Variants in STRA6 observed in about 807,000 individuals in gnomAD.
STRA6 encodes the protein receptor for retinol uptake STRA6.
In STRA6, 48 loss-of-function variants were observed where a neutral mutation model predicts 83.6. The ratio of observed to expected loss-of-function variants is 0.57; its 90% confidence interval spans 0.46 to 0.73. STRA6 has a LOEUF of 0.73. Among genes scored for constraint, STRA6 ranks in the 30% least tolerant of loss-of-function variants. STRA6 has a pLI of 0.00. For synonymous variants in STRA6, 353 were observed against 362.3 expected, an observed-to-expected ratio of 0.97 and a Z score of 0.29; for missense variants, 760 against 838.8, an observed-to-expected ratio of 0.91 and a Z score of 1.16.
intron 1 of STRA6, 169 bp downstream of exon 1, chr15:74,202,544 G>C (rs2074125764): frequency 6.7e-7 from 1 of 1,482,026 alleles, no homozygotes; most frequent in East Asian, 2.5e-5. Flanking sequence ...AGAGATAGCT[G>C]TCCCCTTGGG....
upstream of STRA6, among the ~76,000 whole-genome samples, chr15:74,203,719 T>G (rs2074182377): frequency 6.6e-6 from 1 of 152,186 alleles, no homozygotes; most frequent in African/African-American, 2.4e-5. Flanking sequence ...GCCAGATAAC[T>G]AAATCCCCTC....
At chr15:74,199,214 G>A (rs1238425828) in intron 2 of STRA6, among the ~76,000 whole-genome samples, 2 of 152,230 alleles carry the variant, frequency 1.3e-5, no homozygotes, top group African/African-American at 2.4e-5. Context: ...CCAGGGGAGT[G>A]CAGAGCCCTG....
intron 16 of STRA6, among the ~76,000 whole-genome samples, 182 bp downstream of exon 16, chr15:74,181,979 C>T (rs2073016328): frequency 6.6e-6 from 1 of 152,200 alleles, no homozygotes; most frequent in Non-Finnish European, 1.5e-5. Context: ...TAGAGAGGTA[C>T]TTTGGAGTGG....
chr15:74,191,840 G>C, intron 8 of STRA6: 1 of 411,910 alleles, frequency 2.4e-6, no homozygotes, highest in South Asian at 2.2e-5. Context: ...CTGAAACTGG[G>C]GCAAAGGGAA....
At chr15:74,187,495 T>A (rs1036055838) in intron 12 of STRA6, among the ~76,000 whole-genome samples, 1 of 152,002 alleles carries the variant, frequency 6.6e-6, no homozygotes, top group East Asian at 1.9e-4. Context: ...TTGTAAGTGA[T>A]GGAACAGAGA....
chr15:74,183,571 C>T lies in STRA6; in HGVS notation c.1300+285G>A, dbSNP rs1331245581. 130 of 1,277,444 alleles carry T rather than the reference C, an allele frequency of 1.0e-4. 2 individuals carry two copies. The Admixed American group carries it at 4.1e-3, about 40-fold the overall frequency. 79.1% of individuals were successfully genotyped at this position (1,277,444 alleles called of 1,614,324 possible). On this transcript the variant is annotated intron_variant, in intron 14 of 18. Transcript: ENST00000395105. Reference sequence around the variant, plus strand: ...GAATGTACCATTTTGAATTTGACACCTCCAGACCTGGGTCCACCCCCATGT... The same window carrying T: ...GAATGTACCATTTTGAATTTGACACTTCCAGACCTGGGTCCACCCCCATGT...
In STRA6 at chr15:74,193,867, A is replaced by G. The variant is rs764331156; in HGVS notation, c.653T>C (p.Phe218Ser). ...CTGCACAGGGTACCAAAGGCTCAGG[A>G]ATCCGAGGCCCAGCAGGAGAGGCAG... ...ASLPLLLGLG[F>S]LSLWYPVQLV... is the part of the protein sequence containing the mutation. Residue 218 changes from phenylalanine (F) to serine (S), a missense_variant, in exon 8 of 19, where the codon TTC becomes TCC. Phe to Ser is a radical substitution (Grantham distance 155). Coordinates refer to ENST00000395105, the MANE Select transcript of STRA6 (RefSeq NM_022369.4). 8.0e-5 allele frequency: 129 copies of G among 1,613,856 alleles called. No homozygotes were observed. The highest frequency in any genetic ancestry group is 1.0e-4 in the Non-Finnish European group (119 of 1,179,914).
intron 2 of STRA6, among the ~76,000 whole-genome samples, chr15:74,198,832 C>T (rs1046712376): frequency 1.3e-5 from 2 of 152,258 alleles, no homozygotes; most frequent in African/African-American, 4.8e-5. Context: ...CCTGCACTCA[C>T]CCTGGCTGAG....
chr15:74,210,375 G>C (rs533798555), upstream of STRA6, among the ~76,000 whole-genome samples: 5 of 152,282 alleles, frequency 3.3e-5, no homozygotes, highest in South Asian at 1.0e-3. Flanking sequence ...CTGGACTGAC[G>C]TGGCAGAACC....
At chr15:74,198,186 A>G (rs982889586) in intron 2 of STRA6, among the ~76,000 whole-genome samples, 16 of 151,298 alleles carry the variant, frequency 1.1e-4, no homozygotes, top group African/African-American at 3.9e-4. Flanking sequence ...GGCTTACTGC[A>G]GCCTCAGCCT....
rs2073419760 is a variant in STRA6, at chr15:74,189,379, C to T, written c.928-102G>A. 13 of 1,484,548 alleles carry T rather than the reference C, an allele frequency of 8.8e-6. No homozygotes were observed. In the South Asian group the frequency reaches 1.5e-4, roughly 17 times the overall value. The allele number at this position is 1,484,548 out of a possible 1,614,324, so 92.0% of individuals were successfully genotyped here. A position where few individuals can be genotyped will look rare whatever the true frequency, so the allele number is the denominator to read the frequency against. Reference sequence around the variant, plus strand: ...ACTGGCAGCACACAGGCCCCAGCCACATGCCCATTGCCCATCAGTGTTCTT... The same window carrying T: ...ACTGGCAGCACACAGGCCCCAGCCATATGCCCATTGCCCATCAGTGTTCTT... On this transcript the variant is annotated intron_variant, in intron 11 of 18. Coordinates refer to ENST00000395105, the MANE Select transcript of STRA6 (RefSeq NM_022369.4).
intron 8 of STRA6, 88 bp downstream of exon 8, chr15:74,193,712 C>T: frequency 6.3e-7 from 1 of 1,586,372 alleles, no homozygotes; most frequent in Non-Finnish European, 8.6e-7. Context: ...CTACATCAAG[C>T]ACGGCCATGT....
intron 18 of STRA6, 77 bp from the exon 19 acceptor site, chr15:74,180,320 GA>G (rs2072913676): frequency 6.3e-7 from 1 of 1,586,548 alleles, no homozygotes; most frequent in Non-Finnish European, 8.6e-7. Flanking sequence ...CCTGATCAGA[GA>G]GCCTGAAAAT....
rs2073345789 is a variant in STRA6, at chr15:74,188,103, A to T, written c.1090+1012T>A. On this transcript the variant is annotated intron_variant, in intron 12 of 18. Coordinates refer to ENST00000395105, the MANE Select transcript of STRA6 (RefSeq NM_022369.4). This position sits in a 1 kb window ranked among gnomAD's most constrained non-coding sequence, Gnocchi z 4.5. ...CAGCAGTTCCAGGGCAGCCTCTAGT[A>T]CGGGAACTGAGGTGCTCACGGAGAT... Among the ~76,000 whole-genome samples, 1 of 152,160 alleles carries T rather than the reference A, an allele frequency of 6.6e-6. No homozygotes were observed. The highest frequency in any genetic ancestry group is 1.5e-5 in the Non-Finnish European group (1 of 68,026).
At chr15:74,201,226 G>A (rs1394206833) in intron 2 of STRA6, among the ~76,000 whole-genome samples, 1 of 152,192 alleles carries the variant, frequency 6.6e-6, no homozygotes, top group African/African-American at 2.4e-5. Context: ...CCCAGCCCCT[G>A]GGGAGGCACG....
In STRA6 at chr15:74,179,940, T is replaced by TC; in HGVS notation, c.*139dup. 1 of 1,199,660 alleles carries TC rather than the reference T, an allele frequency of 8.3e-7. No individual in the cohort carries two copies. Among genetic ancestry groups the TC allele is most frequent in the African/African-American group, 1.5e-5 (1 of 67,052 alleles). 74.3% of individuals were successfully genotyped at this position (1,199,660 alleles called of 1,614,324 possible). ...CTGAGGCTCCCAGTGCAGACAGACC[T>TC]CCACCCAACCACAGTGATCCGGAGG... On this transcript the variant is annotated 3_prime_UTR_variant, in exon 19 of 19. Coordinates refer to ENST00000395105, the MANE Select transcript of STRA6 (RefSeq NM_022369.4).
upstream of STRA6, among the ~76,000 whole-genome samples, chr15:74,205,949 C>T (rs1015216285): frequency 1.3e-5 from 2 of 152,352 alleles, no homozygotes; most frequent in African/African-American, 4.8e-5. Flanking sequence ...GAGGTAAGGG[C>T]CAGGTTTCTG....
upstream of STRA6, among the ~76,000 whole-genome samples, chr15:74,207,120 T>C (rs1459472924): frequency 6.6e-6 from 1 of 152,210 alleles, no homozygotes; most frequent in Non-Finnish European, 1.5e-5. Flanking sequence ...TGATTAAACC[T>C]GAGGAATTTT....
At chr15:74,190,427 T>G (rs2073473700) in intron 11 of STRA6, among the ~76,000 whole-genome samples, 2 of 130,306 alleles carry the variant, frequency 1.5e-5, no homozygotes, top group African/African-American at 9.0e-5. Flanking sequence ...TTTTCGGGGT[T>G]TTTTTTTTTT....
Sources: gnomAD v4.1 joint callset for allele counts (sites outside exome capture counted in the v4.1 genomes callset) on GRCh38, gnomAD v4.1.1 for gene constraint, Gnocchi (gnomAD v3.1) non-coding constraint, MANE v1.5 for transcripts, NCBI Gene and HGNC (gene_info 2026-07-23, HGNC 2026-07-21) for gene names.